MBTPS1: variants seen among roughly 807,000 people sequenced by gnomAD.
MBTPS1 encodes membrane bound transcription factor peptidase, site 1.
Under a neutral mutation model 127.8 loss-of-function variants are expected in MBTPS1, and 94 were observed. The observed-to-expected ratio is 0.74, with a 90% CI of 0.62 to 0.87. The LOEUF (loss-of-function observed/expected upper bound fraction) is 0.87. Among genes scored for constraint, MBTPS1 ranks in the 40% least tolerant of loss-of-function variants. MBTPS1 has a pLI of 0.00. For missense variants in MBTPS1, 1,636 were observed against 1,353.2 expected, an observed-to-expected ratio of 1.21 and a Z score of -3.28; for synonymous variants, 632 against 509.4, an observed-to-expected ratio of 1.24 and a Z score of -3.24.
chr16:84,064,913 T>TA (rs1465348205), intron 18 of MBTPS1, among the ~76,000 whole-genome samples: 1 of 152,216 alleles, frequency 6.6e-6, no homozygotes, highest in Non-Finnish European at 1.5e-5. Context: ...TTTCAACTAA[T>TA]AAAACTATCC....
intron 2 of MBTPS1, among the ~76,000 whole-genome samples, chr16:84,100,999 C>CAAA (rs562200642): frequency 0.073 from 4,988 of 68,440 alleles, 418 homozygotes; most frequent in African/African-American, 0.25. Flanking sequence ...ACTAAAAATA[C>CAAA]AAAAAAAAAA....
intron 18 of MBTPS1, among the ~76,000 whole-genome samples, chr16:84,064,219 T>C (rs2085650527): frequency 6.6e-6 from 1 of 151,704 alleles, no homozygotes; most frequent in African/African-American, 2.4e-5. Context: ...GTTGATAACA[T>C]CTGAAATGTC....
In MBTPS1 at chr16:84,084,875, C is replaced by A. The variant is rs1597330359; in HGVS notation, c.1286+108G>T. The A allele has an allele frequency of 4.1e-6, 5 of 1,219,462 alleles. No homozygotes were observed. The East Asian group carries it at 1.2e-4, about 29-fold the overall frequency. 75.5% of individuals were successfully genotyped at this position (1,219,462 alleles called of 1,614,324 possible). The stretch of plus-strand genomic sequence containing the variant: ...AGAGCAAGGCTGTGAAGGGCCTAAG[C>A]TCTCAAACCCAAGACAGGGCAGAAG... On this transcript the variant is annotated intron_variant, in intron 10 of 22. Transcript: ENST00000343411.
intron 8 of MBTPS1, among the ~76,000 whole-genome samples, chr16:84,089,699 G>A (rs2151161436): frequency 6.6e-6 from 1 of 152,328 alleles, no homozygotes; most frequent in East Asian, 1.9e-4. Flanking sequence ...TCAGCCGTAA[G>A]TGGCAGGTCG....
chr16:84,063,277 TCA>T, intron 19 of MBTPS1, 26 bp downstream of exon 19: 1 of 1,591,282 alleles, frequency 6.3e-7, no homozygotes, highest in Non-Finnish European at 8.6e-7. Context: ...AGTGCCGAAG[TCA>T]CAAAGTCCAT....
At chr16:84,085,804 C>T (rs2086013969) in intron 9 of MBTPS1, among the ~76,000 whole-genome samples, 2 of 151,666 alleles carry the variant, frequency 1.3e-5, no homozygotes, top group Admixed American at 1.3e-4. Flanking sequence ...TGCTTTATCT[C>T]TAGATAAGTT....
chr16:84,099,462 G>A, intron 2 of MBTPS1, 152 bp from the exon 3 acceptor site: 1 of 794,566 alleles, frequency 1.3e-6, no homozygotes, highest in Non-Finnish European at 1.9e-6. Flanking sequence ...TAAGTACCTA[G>A]ACAGCTGTCT....
intron 21 of MBTPS1, chr16:84,058,119 C>T (rs1038474785): frequency 2.6e-5 from 4 of 152,086 alleles, no homozygotes; most frequent in Non-Finnish European, 5.9e-5. Flanking sequence ...GGAAAAGTAC[C>T]CAGTGATTAA....
At position 84,066,901 on chromosome 16, in the gene MBTPS1, AAGG is replaced by A. The variant is rs2085692781; in HGVS notation, c.2229-291_2229-289del. ...AGCCTAGACCCAGCAAGGTTCAGTG[AAGG>A]AGAAGGAGATGAGAAAGAAGCATAG... On this transcript the variant is annotated intron_variant, in intron 16 of 22. Transcript: ENST00000343411. Among the ~76,000 whole-genome samples, 7 of 152,244 alleles carry A rather than the reference AAGG, an allele frequency of 4.6e-5. No individual in the cohort carries two copies. In the South Asian group the frequency reaches 1.4e-3, roughly 32 times the overall value.
At position 84,090,855 on chromosome 16, in the gene MBTPS1, T is replaced by A. The variant is rs1039649711; in HGVS notation, c.1031+20A>T. 6.3e-7 allele frequency: 1 copy of A among 1,590,824 alleles called. No individual in the cohort carries two copies. The highest frequency in any genetic ancestry group is 1.3e-5 in the African/African-American group (1 of 74,130). Reference sequence around the variant, plus strand: ...AAGGGGGAAAAAATCCCCGAGGTCATCCCTGCTGGGGCTACTTACCCATAA... The same window carrying A: ...AAGGGGGAAAAAATCCCCGAGGTCAACCCTGCTGGGGCTACTTACCCATAA... On this transcript the variant is annotated intron_variant, in intron 8 of 22. Coordinates refer to ENST00000343411, the MANE Select transcript of MBTPS1 (RefSeq NM_003791.4).
At chr16:84,115,875 A>G (rs760511331) in intron 1 of MBTPS1, among the ~76,000 whole-genome samples, 2 of 152,138 alleles carry the variant, frequency 1.3e-5, no homozygotes, top group Non-Finnish European at 2.9e-5. Context: ...TATGGTATGT[A>G]AATTCTACTT....
chr16:84,062,223 C>A (rs552292300), intron 19 of MBTPS1, among the ~76,000 whole-genome samples: 316 of 152,290 alleles, frequency 2.1e-3, no homozygotes, highest in African/African-American at 7.0e-3. Context: ...CGGGTTCAAG[C>A]AACTCTCCCA....
chr16:84,081,731 A>T lies in MBTPS1; in HGVS notation c.1448+16T>A, dbSNP rs763466900. On this transcript the variant is annotated intron_variant, in intron 11 of 22. Coordinates refer to ENST00000343411, the MANE Select transcript of MBTPS1 (RefSeq NM_003791.4). ...GTGAAGGAGAGAAAGACCCATCGGC[A>T]GGGCGGTGCACTGACCTTGCCTGTG... The T allele has an allele frequency of 2.2e-6, 3 of 1,344,408 alleles. No individual in the cohort carries two copies. The South Asian group carries it at 6.9e-5, about 31-fold the overall frequency. 83.3% of individuals were successfully genotyped at this position (1,344,408 alleles called of 1,614,324 possible).
At chr16:84,066,655 G>C (rs1479410720) in intron 16 of MBTPS1, 42 bp from the exon 17 acceptor site, 1 of 1,605,194 alleles carries the variant, frequency 6.2e-7, no homozygotes, top group Non-Finnish European at 8.5e-7. Context: ...AGGGAATGAA[G>C]ACACTCCATA....
At position 84,101,907 on chromosome 16, in the gene MBTPS1, T is replaced by C. The variant is rs1322905354; in HGVS notation, c.-124A>G. On this transcript the variant is annotated 5_prime_UTR_variant, in exon 2 of 23. Transcript: ENST00000343411. ...ATTACTAATCAGCCATCTTACAGTC[T>C]TGCCCAACATAAATAAAAGTTAAAT... 3 of 873,218 alleles carry C rather than the reference T, an allele frequency of 3.4e-6. No individual in the cohort carries two copies. Among genetic ancestry groups the C allele is most frequent in the Non-Finnish European group, 5.4e-6 (3 of 556,908 alleles). 54.1% of individuals were successfully genotyped at this position (873,218 alleles called of 1,614,324 possible).
At chr16:84,106,109 A>G (rs1286351675) in intron 1 of MBTPS1, among the ~76,000 whole-genome samples, 2 of 152,132 alleles carry the variant, frequency 1.3e-5, no homozygotes, top group African/African-American at 2.4e-5. Flanking sequence ...ATCCTGGCCA[A>G]AATGGTGAAA....
intron 22 of MBTPS1, 146 bp downstream of exon 22, chr16:84,055,859 C>CA: frequency 1.2e-6 from 1 of 828,324 alleles, no homozygotes; most frequent in Non-Finnish European, 1.9e-6. Flanking sequence ...GTTTGTGCCA[C>CA]AAAAGAAGCC....
chr16:84,065,565 T>C, intron 18 of MBTPS1, 125 bp downstream of exon 18: 2 of 702,672 alleles, frequency 2.8e-6, no homozygotes, highest in Non-Finnish European at 5.0e-6. Context: ...ACTGTTATGG[T>C]ATGTAAATTA....
intron 11 of MBTPS1, among the ~76,000 whole-genome samples, chr16:84,080,599 C>T (rs2085926234): frequency 6.6e-6 from 1 of 152,266 alleles, no homozygotes; most frequent in Non-Finnish European, 1.5e-5. Flanking sequence ...GGCCACGCTT[C>T]CCCTGGGGCT....
Sources: gnomAD v4.1 joint callset for allele counts (sites outside exome capture counted in the v4.1 genomes callset) on GRCh38, gnomAD v4.1.1 for gene constraint, MANE v1.5 for transcripts, NCBI Gene and HGNC (gene_info 2026-07-23, HGNC 2026-07-21) for gene names.